The following KCNMA1 variants were observed in gnomAD, a reference collection of about 807,000 sequenced individuals.
KCNMA1 encodes the protein potassium calcium-activated channel subfamily M alpha 1.
A neutral mutation model predicts 140.0 loss-of-function variants in KCNMA1; 29 were observed. That is an observed-to-expected ratio of 0.21 (90% CI 0.15 to 0.28). KCNMA1 has a LOEUF of 0.28. KCNMA1 is among the 10% of genes least tolerant of loss of function. The pLI is 1.00. For synonymous variants in KCNMA1, 612 were observed against 611.9 expected (o/e 1.00, Z 0.00); for missense variants, 880 against 1,602.2 (o/e 0.55, Z 7.70).
intron 2 of KCNMA1, among the ~76,000 whole-genome samples, chr10:77,324,567 A>C (rs547692966): frequency 3.2e-4 from 45 of 142,750 alleles, no homozygotes; most frequent in Non-Finnish European, 4.3e-4. Flanking sequence ...TTTCAACCTG[A>C]ATGTCTGATT....
chr10:77,012,266 C>A (rs961715409), intron 17 of KCNMA1: 2 of 1,460,324 alleles, frequency 1.4e-6, no homozygotes, highest in Non-Finnish European at 1.8e-6. Flanking sequence ...TTTTCATAAA[C>A]TTCCATTTAC....
At chr10:77,548,537 G>A (rs1304876041) in intron 1 of KCNMA1, among the ~76,000 whole-genome samples, 1 of 152,150 alleles carries the variant, frequency 6.6e-6, no homozygotes, top group Non-Finnish European at 1.5e-5. Context: ...AGAGAAGCAG[G>A]GTCAATGGAA....
At chr10:77,618,979 G>A (rs564468693) in intron 1 of KCNMA1, among the ~76,000 whole-genome samples, 2 of 152,304 alleles carry the variant, frequency 1.3e-5, no homozygotes, top group East Asian at 3.9e-4. Flanking sequence ...AAGGTTTAAC[G>A]AAATGAAGGA....
chr10:77,364,331 G>C (rs1176995796), intron 2 of KCNMA1, among the ~76,000 whole-genome samples: 1 of 151,882 alleles, frequency 6.6e-6, no homozygotes, highest in Non-Finnish European at 1.5e-5. Flanking sequence ...TGTGCCTGTA[G>C]TCTCAGCTAC....
chr10:77,431,993 GAA>G (rs144459194), intron 1 of KCNMA1, among the ~76,000 whole-genome samples: 1 of 144,862 alleles, frequency 6.9e-6, no homozygotes. Flanking sequence ...CTCTATCTCT[GAA>G]AAAAAAAAAG....
chr10:77,331,725 A>C (rs1016903018), intron 2 of KCNMA1, among the ~76,000 whole-genome samples: 1 of 151,772 alleles, frequency 6.6e-6, no homozygotes, highest in Non-Finnish European at 1.5e-5. Flanking sequence ...TGAGATGTGA[A>C]GATCCCTTGA....
chr10:77,579,234 G>A (rs1358512989), intron 1 of KCNMA1, among the ~76,000 whole-genome samples: 1 of 152,250 alleles, frequency 6.6e-6, no homozygotes, highest in Non-Finnish European at 1.5e-5. Flanking sequence ...CGGCAGCTGG[G>A]AGTTGCTAAG....
chr10:76,941,069 A>AAGAAAGAAAGAAAGAAAGAG (rs1554961013), intron 23 of KCNMA1, among the ~76,000 whole-genome samples: 37 of 68,766 alleles, frequency 5.4e-4, no homozygotes, highest in East Asian at 1.3e-3. Context: ...GAAAGAAAGA[A>AAGAAAGAAAGAAAGAAAGAG]AAAGAAAGAA....
At chr10:77,568,508 GA>G (rs1462296615) in intron 1 of KCNMA1, among the ~76,000 whole-genome samples, 2 of 151,900 alleles carry the variant, frequency 1.3e-5, no homozygotes, top group Non-Finnish European at 2.9e-5. Flanking sequence ...AATAGATGCA[GA>G]AAAGGCCTTT....
chr10:77,294,146 G>T (rs1232638901), intron 2 of KCNMA1, among the ~76,000 whole-genome samples: 1 of 152,258 alleles, frequency 6.6e-6, no homozygotes, highest in Non-Finnish European at 1.5e-5. Context: ...ATAGTGCTGT[G>T]TCCCTAGAAT....
intron 3 of KCNMA1, among the ~76,000 whole-genome samples, chr10:77,233,669 A>T (rs896605338): frequency 1.8e-4 from 27 of 152,186 alleles, no homozygotes; most frequent in Non-Finnish European, 2.9e-4. Context: ...TCTAGTGCCT[A>T]TTGTTTGAAG....
At chr10:77,361,955 C>A (rs2154401154) in intron 2 of KCNMA1, among the ~76,000 whole-genome samples, 1 of 152,352 alleles carries the variant, frequency 6.6e-6, no homozygotes, top group African/African-American at 2.4e-5. Context: ...CCAGCCCAGA[C>A]AAATGTGGCC....
chr10:77,441,626 C>T (rs2097401702), intron 1 of KCNMA1, among the ~76,000 whole-genome samples: 1 of 151,980 alleles, frequency 6.6e-6, no homozygotes, highest in African/African-American at 2.4e-5. Context: ...TTTCTGTTGA[C>T]CAAAAACACA....
chr10:77,217,741 C>T (rs1235786190), intron 3 of KCNMA1, among the ~76,000 whole-genome samples: 1 of 152,016 alleles, frequency 6.6e-6, no homozygotes, highest in Non-Finnish European at 1.5e-5. Context: ...ATCATAAATT[C>T]AACAAAAGCA....
intron 2 of KCNMA1, among the ~76,000 whole-genome samples, chr10:77,318,293 G>T (rs906234846): frequency 1.3e-5 from 2 of 152,052 alleles, no homozygotes; most frequent in Non-Finnish European, 2.9e-5. Context: ...CACTGTGATC[G>T]CCAATTTACA....
chr10:77,345,237 T>C (rs1010203321), intron 2 of KCNMA1, among the ~76,000 whole-genome samples: 1 of 152,346 alleles, frequency 6.6e-6, no homozygotes, highest in Non-Finnish European at 1.5e-5. Flanking sequence ...GGACCCTCTA[T>C]GTATCAGGCA....
chr10:77,587,804 G>T (rs1421627913), intron 1 of KCNMA1: 5 of 985,164 alleles, frequency 5.1e-6, no homozygotes, highest in Non-Finnish European at 6.0e-6. Context: ...TCAGATGCAG[G>T]GCCCCAGGTG....
chr10:76,928,293 A>G (rs888817625), intron 23 of KCNMA1, among the ~76,000 whole-genome samples: 155 of 71,540 alleles, frequency 2.2e-3, no homozygotes, highest in South Asian at 0.014. Context: ...GCGCGCGCAC[A>G]CACACACACA....
At chr10:77,243,098 CTG>C (rs1397562490) in intron 3 of KCNMA1, among the ~76,000 whole-genome samples, 1 of 152,150 alleles carries the variant, frequency 6.6e-6, no homozygotes, top group African/African-American at 2.4e-5. Context: ...ATGTGTCAGG[CTG>C]TCAGGTCAAA....
Sources: allele counts gnomAD v4.1 joint callset (sites outside exome capture counted in the v4.1 genomes callset), GRCh38; gene constraint gnomAD v4.1.1; transcripts MANE v1.5; gene names NCBI Gene and HGNC (gene_info 2026-07-23, HGNC 2026-07-21).